Variants in PKHD1 observed in about 807,000 individuals in gnomAD.
The protein encoded by PKHD1 is PKHD1 ciliary IPT domain containing fibrocystin/polyductin, also known as fibrocystin.
PKHD1 carries 291 observed loss-of-function variants against 412.0 expected under a neutral mutation model. The ratio of observed to expected loss-of-function variants is 0.71; its 90% confidence interval spans 0.64 to 0.78. The LOEUF is 0.78. Ranked by LOEUF, PKHD1 falls within the 30% of genes least tolerant of loss-of-function variation. The probability of loss-of-function intolerance (pLI) is 0.00; values close to 1 mark genes in which losing one functional copy is unlikely to be tolerated. For missense variants in PKHD1, 4,825 were observed against 4,950.7 expected, an observed-to-expected ratio of 0.97 and a Z score of 0.76; for synonymous variants, 1,777 against 1,821.5, an observed-to-expected ratio of 0.98 and a Z score of 0.62.
intron 35 of PKHD1, among the ~76,000 whole-genome samples, chr6:51,965,718 C>T (rs1792706020): frequency 6.6e-6 from 1 of 152,058 alleles, no homozygotes; most frequent in Non-Finnish European, 1.5e-5. Context: ...GACCCTTTCT[C>T]ATCATTAGAA....
At chr6:51,644,880 A>G (rs879657728) in intron 63 of PKHD1, among the ~76,000 whole-genome samples, 12 of 152,138 alleles carry the variant, frequency 7.9e-5, no homozygotes, top group Admixed American at 6.5e-4. Context: ...GGGTTTTACC[A>G]TGTTGGCCAG....
Position 51,754,939 on chromosome 6 carries a change from CT to C in PKHD1, c.8643-2del. On this transcript the variant is annotated splice_acceptor_variant, in intron 55 of 66. Transcript: ENST00000371117. LOFTEE classifies it high-confidence loss of function. Reference sequence around the variant, plus strand: ...ATCCACTGCATCTTCTACTATAATTCTGTAACAGCATAACAATGGCATTGGA... The same window carrying C: ...ATCCACTGCATCTTCTACTATAATTCGTAACAGCATAACAATGGCATTGGA... The C allele has an allele frequency of 1.2e-6, 2 of 1,612,288 alleles. No homozygotes were observed. Among genetic ancestry groups the C allele is most frequent in the Non-Finnish European group, 1.7e-6 (2 of 1,178,430 alleles).
intron 57 of PKHD1, among the ~76,000 whole-genome samples, chr6:51,749,119 T>C (rs1296931294): frequency 6.6e-6 from 1 of 152,184 alleles, no homozygotes; most frequent in African/African-American, 2.4e-5. Flanking sequence ...CACAAATGAA[T>C]ATTAAGCATT....
At chr6:51,881,427 T>G (rs1256477481) in intron 46 of PKHD1, among the ~76,000 whole-genome samples, 1 of 152,212 alleles carries the variant, frequency 6.6e-6, no homozygotes, top group Non-Finnish European at 1.5e-5. Flanking sequence ...TGTTGTACAT[T>G]ACATCTCTGG....
At chr6:51,797,332 G>A (rs1794772223) in intron 52 of PKHD1, among the ~76,000 whole-genome samples, 1 of 152,110 alleles carries the variant, frequency 6.6e-6, no homozygotes, top group African/African-American at 2.4e-5. Flanking sequence ...ATCCAGAGTT[G>A]AGTTCTGGTC....
intron 27 of PKHD1, among the ~76,000 whole-genome samples, chr6:52,040,789 T>C (rs1804748086): frequency 6.6e-6 from 1 of 152,176 alleles, no homozygotes; most frequent in African/African-American, 2.4e-5. Context: ...CCAATGCCAA[T>C]GACTATACCA....
rs994946871 is a variant in PKHD1 at position 51,868,665 on chromosome 6, A to G, written c.7487-556T>C. Among the ~76,000 whole-genome samples, 8 of 152,272 alleles carry G rather than the reference A, an allele frequency of 5.3e-5. No homozygotes were observed. The East Asian group carries it at 5.8e-4, about 11-fold the overall frequency. ...AAAGATGCTATGGTTTAGTCTTCCA[A>G]TCTTTCAGCTTTCATTCCTCTGTGG... On this transcript the variant is annotated intron_variant, in intron 47 of 66. Coordinates refer to ENST00000371117, the MANE Select transcript of PKHD1 (RefSeq NM_138694.4).
At chr6:51,918,657 G>T (rs117645856) in intron 37 of PKHD1, among the ~76,000 whole-genome samples, 5 of 152,126 alleles carry the variant, frequency 3.3e-5, no homozygotes, top group African/African-American at 1.2e-4. Flanking sequence ...ATAAACATAC[G>T]TGTGCATGTG....
At chr6:52,036,514 G>A (rs1803968699) in intron 27 of PKHD1, among the ~76,000 whole-genome samples, 1 of 152,192 alleles carries the variant, frequency 6.6e-6, no homozygotes, top group African/African-American at 2.4e-5. Flanking sequence ...AGGCAGTGAG[G>A]CCACCAAACA....
intron 60 of PKHD1, among the ~76,000 whole-genome samples, chr6:51,743,252 T>C (rs906596850): frequency 6.6e-6 from 1 of 151,774 alleles, no homozygotes; most frequent in African/African-American, 2.4e-5. Flanking sequence ...TGGTGGCTAG[T>C]AGTAAAGGGA....
chr6:51,917,089 T>C (rs1783913793), intron 37 of PKHD1, among the ~76,000 whole-genome samples: 1 of 150,432 alleles, frequency 6.6e-6, no homozygotes, highest in Admixed American at 6.7e-5. Context: ...GTCCTCTGTT[T>C]GCTTACTTTG....
chr6:52,025,821 AG>A lies in PKHD1; in HGVS notation c.3988del (p.Leu1330PhefsTer5). Reference sequence around the variant, plus strand: ...AACATCACAGTTCAGGTTCCCCAGAAGGATGACTGAGTTGGAGAGGTTACTT... The same window carrying A: ...AACATCACAGTTCAGGTTCCCCAGAAGATGACTGAGTTGGAGAGGTTACTT... ...GGSNLSNSVI[L>X]LGNLNCDVET... On this transcript the variant is annotated frameshift_variant, in exon 32 of 67. Coordinates refer to ENST00000371117, the MANE Select transcript of PKHD1 (RefSeq NM_138694.4). LOFTEE classifies it high-confidence loss of function. The A allele has an allele frequency of 6.2e-7, 1 of 1,614,244 alleles. No individual in the cohort carries two copies. The highest frequency in any genetic ancestry group is 1.6e-4 in the Middle Eastern group (1 of 6,062).
chr6:51,918,545 T>C (rs950607563), intron 37 of PKHD1, among the ~76,000 whole-genome samples: 12 of 152,204 alleles, frequency 7.9e-5, no homozygotes, highest in African/African-American at 2.2e-4. Context: ...TATGGCTGCA[T>C]AGTATTCCAC....
At chr6:51,817,639 G>A (rs963924402) in intron 52 of PKHD1, among the ~76,000 whole-genome samples, 1 of 152,098 alleles carries the variant, frequency 6.6e-6, no homozygotes, top group African/African-American at 2.4e-5. Flanking sequence ...GAATGAGAGC[G>A]GCTGGGATTT....
rs140282317 is a variant in PKHD1 at position 51,835,515 on chromosome 6, A to G, written c.8173+889T>C. ...CAAAGTTCATTCCATCTTGCTCATC[A>G]TGGTATCCCCCACACCTTGCATAAA... On this transcript the variant is annotated intron_variant, in intron 51 of 66. Transcript: ENST00000371117. Among the ~76,000 whole-genome samples, 35 of 152,284 alleles carry G rather than the reference A, an allele frequency of 2.3e-4. No individual in the cohort carries two copies. In the East Asian group the frequency reaches 5.8e-3, roughly 25 times the overall value.
In PKHD1 at chr6:51,807,485, A is replaced by ATATG. The variant is rs765667001; in HGVS notation, c.8303-16113_8303-16112insCATA. On this transcript the variant is annotated intron_variant, in intron 52 of 66. Coordinates refer to ENST00000371117, the MANE Select transcript of PKHD1 (RefSeq NM_138694.4). Reference sequence around the variant, plus strand: ...TATATATATATATATATATATGTATATGTGTGTGTGTGTGTGTGTGTGTGT... The same window carrying ATATG: ...TATATATATATATATATATATGTATATATGTGTGTGTGTGTGTGTGTGTGTGTGT... 1.1e-4 allele frequency among the ~76,000 whole-genome samples: 12 copies of ATATG among 111,768 alleles called. 1 individual carries two copies. Among genetic ancestry groups the ATATG allele is most frequent in the African/African-American group, 4.3e-4 (11 of 25,800 alleles). The allele number at this position is 111,768 out of a possible 152,430, so 73.3% of individuals were successfully genotyped here.
At chr6:51,735,776 T>TA (rs1298074485) in intron 60 of PKHD1, among the ~76,000 whole-genome samples, 5 of 150,950 alleles carry the variant, frequency 3.3e-5, no homozygotes, top group African/African-American at 1.2e-4. Context: ...AAATTTTTTT[T>TA]AAAAAAAACT....
intron 35 of PKHD1, among the ~76,000 whole-genome samples, chr6:51,968,337 G>T (rs1453346088): frequency 6.6e-6 from 1 of 152,142 alleles, no homozygotes. Context: ...TAGGAGAATG[G>T]GTAGGCCTCC....
intron 52 of PKHD1, 71 bp downstream of exon 52, chr6:51,830,790 T>C: frequency 1.4e-6 from 2 of 1,411,956 alleles, no homozygotes; most frequent in Non-Finnish European, 2.0e-6. Flanking sequence ...TTGTACAATA[T>C]AAATGAAACA....
Sources: allele counts gnomAD v4.1 joint callset (sites outside exome capture counted in the v4.1 genomes callset), GRCh38; gene constraint gnomAD v4.1.1; transcripts MANE v1.5; gene names NCBI Gene and HGNC (gene_info 2026-07-23, HGNC 2026-07-21).